The following ELL variants were observed in gnomAD, a reference collection of about 807,000 sequenced individuals.
ELL encodes the protein RNA polymerase II elongation factor ELL.
Under a neutral mutation model 64.0 loss-of-function variants are expected in ELL, and 18 were observed. That is an observed-to-expected ratio of 0.28 (90% confidence interval 0.19 to 0.42). The LOEUF is 0.42. Ranked by LOEUF, ELL falls within the 10% of genes least tolerant of loss-of-function variation. ELL has a pLI of 1.00. For missense variants in ELL, 797 were observed against 870.4 expected (o/e 0.92, Z 1.06); for synonymous variants, 399 against 376.2 (o/e 1.06, Z -0.70).
At chr19:18,514,980 G>A (rs980441814) in intron 1 of ELL, among the ~76,000 whole-genome samples, 3 of 152,184 alleles carry the variant, frequency 2.0e-5, no homozygotes, top group South Asian at 2.1e-4. Flanking sequence ...TCTCCCAGTC[G>A]GGATGTCACA....
At position 18,458,273 on chromosome 19, in the gene ELL, C is replaced by G; in HGVS notation, c.801G>C (p.Lys267Asn). 1 of 1,613,366 alleles carries G rather than the reference C, an allele frequency of 6.2e-7. No individual in the cohort carries two copies. Among genetic ancestry groups the G allele is most frequent in the Non-Finnish European group, 8.5e-7 (1 of 1,180,036 alleles). The change falls in exon 6 of 12, where the codon AAG becomes AAC. Residue 267 changes from lysine to asparagine, a missense_variant. Transcript: ENST00000262809. ...AGCCAGGCCAGTCCTTCTGCACATC[C>G]TTGTACATGCAGTCCTGCAGTGTAC... ...GTCTLQDCMYKDVQKDWPGYS... is the reference protein window; with the variant it reads ...GTCTLQDCMYNDVQKDWPGYS...
chr19:18,520,923 A>AG (rs545883740), intron 1 of ELL, among the ~76,000 whole-genome samples: 9 of 151,320 alleles, frequency 5.9e-5, no homozygotes, highest in East Asian at 1.9e-4. Context: ...AGACGGGGGG[A>AG]GGGGGGGCCA....
At chr19:18,463,425 T>C (rs111682204) in intron 4 of ELL, among the ~76,000 whole-genome samples, 22,116 of 147,416 alleles carry the variant, frequency 0.15, 1,728 homozygotes, top group South Asian at 0.2. Context: ...ACCTCCGCCT[T>C]CCAGGTTCAA....
In ELL at chr19:18,458,218, G is replaced by A. The variant is rs1253596704; in HGVS notation, c.856C>T (p.Arg286Trp). The change falls in exon 6 of 12, where the codon CGG becomes TGG. Residue 286 changes from arginine (R) to tryptophan (W), a missense_variant. Transcript: ENST00000262809. ...YSEGDQQLLK[R>W]VLVRKLCQPQ... ...AGGCGGCATTACCGGACGAGCACCC[G>A]CTTCAGCAGCTGCTGGTCCCCCTCC... is the stretch of plus-strand genomic sequence containing the variant. 3 of 1,610,670 alleles carry A rather than the reference G, an allele frequency of 1.9e-6. No homozygotes were observed. The highest frequency in any genetic ancestry group is 2.5e-6 in the Non-Finnish European group (3 of 1,180,008).
chr19:18,509,593 GCACATACACACACACACA>G (rs1250824570), intron 1 of ELL, among the ~76,000 whole-genome samples: 3,625 of 83,268 alleles, frequency 0.044, 335 homozygotes, highest in African/African-American at 0.098. Flanking sequence ...GCGCGCGCGC[GCACATACACACACACACA>G]CACACACACA....
At position 18,444,712 on chromosome 19, in the gene ELL, TC is replaced by T; in HGVS notation, c.*39del. Reference sequence around the variant, plus strand: ...TAAATCCTCTCTCACCGCCTTTTGCTCCCCCGACCCTCCCAGATCCCCGCCA... The same window carrying T: ...TAAATCCTCTCTCACCGCCTTTTGCTCCCCGACCCTCCCAGATCCCCGCCA... On this transcript the variant is annotated 3_prime_UTR_variant, in exon 12 of 12. Transcript: ENST00000262809. 2.6e-6 allele frequency: 4 copies of T among 1,538,954 alleles called. No homozygotes were observed. The highest frequency in any genetic ancestry group is 2.3e-5 in the East Asian group (1 of 43,564).
rs756420243 is a variant in ELL, at chr19:18,444,774, C to T, written c.1844G>A (p.Arg615Gln). The T allele has an allele frequency of 1.0e-5, 16 of 1,606,678 alleles. No individual in the cohort carries two copies. In the East Asian group the frequency reaches 1.1e-4, roughly 11 times the overall value. ...IKRLIAEYDQ[R>Q]QLQAWP is the part of the protein sequence containing the mutation. ...CGGCTAGGGCCAAGCCTGCAGCTGC[C>T]GCTGGTCGTACTCGGCGATGAGCCT... Residue 615 changes from arginine (R) to glutamine (Q), a missense_variant, in exon 12 of 12, where the codon CGG becomes CAG. Transcript: ENST00000262809.
intron 1 of ELL, among the ~76,000 whole-genome samples, chr19:18,487,049 G>A (rs990776804): frequency 3.3e-5 from 5 of 152,180 alleles, no homozygotes; most frequent in African/African-American, 1.2e-4. Context: ...CCACGCAGTG[G>A]GTAAATCCTA....
intron 1 of ELL, among the ~76,000 whole-genome samples, chr19:18,520,602 C>G (rs1976244186): frequency 6.6e-6 from 1 of 151,784 alleles, no homozygotes; most frequent in Non-Finnish European, 1.5e-5. Flanking sequence ...GTGGTGGAAA[C>G]GAAACAGGGG....
chr19:18,503,293 AG>A (rs1302872477), intron 1 of ELL, among the ~76,000 whole-genome samples: 4 of 152,228 alleles, frequency 2.6e-5, no homozygotes, highest in African/African-American at 9.6e-5. Flanking sequence ...TGGGATGAAA[AG>A]AAGGTGACAG....
rs898873884 is a variant in ELL at position 18,445,259 on chromosome 19, C to T, written c.1714G>A (p.Gly572Arg). 29 of 1,613,964 alleles carry T rather than the reference C, an allele frequency of 1.8e-5. No homozygotes were observed. Among genetic ancestry groups the T allele is most frequent in the Admixed American group, 5.0e-5 (3 of 60,024 alleles). The change falls in exon 11 of 12, where the codon GGG becomes AGG. Residue 572 changes from glycine to arginine, a missense_variant. Transcript: ENST00000262809. The stretch of plus-strand genomic sequence containing the variant: ...TTTCGATATTCCTGCAAAATCTGCC[C>T]TCGAGTAGTCTAGAAGAAAAACAAA... ...QGSEEYETTR[G>R]QILQEYRKIK...
chr19:18,512,007 T>C (rs1003010564), intron 1 of ELL, among the ~76,000 whole-genome samples: 2 of 151,600 alleles, frequency 1.3e-5, no homozygotes, highest in Non-Finnish European at 2.9e-5. Context: ...ATACAAAAAT[T>C]AGCCGGGCAT....
intron 1 of ELL, among the ~76,000 whole-genome samples, chr19:18,513,791 C>T (rs532421156): frequency 2.0e-5 from 3 of 151,746 alleles, no homozygotes; most frequent in South Asian, 2.1e-4. Flanking sequence ...ATTAGCCGGG[C>T]GTGGTGGCGG....
In ELL at chr19:18,508,354, A is replaced by G. The variant is rs80294027; in HGVS notation, c.135+13567T>C. The stretch of plus-strand genomic sequence containing the variant: ...AGAATAAAATAAAATACAATACAAG[A>G]GTCAGCAGCCAGGAGGGTAGCCTGT... On this transcript the variant is annotated intron_variant, in intron 1 of 11. Coordinates refer to ENST00000262809, the MANE Select transcript of ELL (RefSeq NM_006532.4). Among the ~76,000 whole-genome samples, 1,424 of 152,328 alleles carry G rather than the reference A, an allele frequency of 9.3e-3. 25 individuals are homozygous for G. The highest frequency in any genetic ancestry group is 0.033 in the African/African-American group (1,359 of 41,562).
At position 18,443,997 on chromosome 19, in the gene ELL, C is replaced by A. The variant is rs142819823; in HGVS notation, c.*755G>T. 2.3e-3 allele frequency: 528 copies of A among 232,442 alleles called. 3 individuals carry two copies. Among genetic ancestry groups the A allele is most frequent in the African/African-American group, 0.011 (495 of 45,428 alleles). The allele number at this position is 232,442 out of a possible 1,614,324, so 14.4% of individuals were successfully genotyped here. ...AGTCTCAACTTGGAGCACAGAAACA[C>A]AGTGGCCCCCGACAGCTGAGGGCCT... On this transcript the variant is annotated 3_prime_UTR_variant, in exon 12 of 12. Coordinates refer to ENST00000262809, the MANE Select transcript of ELL (RefSeq NM_006532.4).
chr19:18,459,330 G>A (rs1167493899), intron 5 of ELL, among the ~76,000 whole-genome samples: 5 of 152,312 alleles, frequency 3.3e-5, no homozygotes, highest in South Asian at 4.1e-4. Context: ...TCGTCTCCCA[G>A]ACTGCTAACA....
rs748950436 is a variant in ELL, at chr19:18,472,886, TAAAA to T, written c.136-8_136-5del. On this transcript the variant is annotated splice_region_variant and splice_polypyrimidine_tract_variant and intron_variant, in intron 1 of 11. Transcript: ENST00000262809. ...ATGGCCTCAGTGAAACAGAATCCTA[TAAAA>T]AAAAAAAAAAAAAAAAAAAGGTGAG... The T allele has an allele frequency of 6.7e-4, 817 of 1,213,758 alleles. No individual in the cohort carries two copies. The highest frequency in any genetic ancestry group is 1.2e-3 in the Admixed American group (27 of 22,122). 75.2% of individuals were successfully genotyped at this position (1,213,758 alleles called of 1,614,324 possible). A position where few individuals can be genotyped will look rare whatever the true frequency, so the allele number is the denominator to read the frequency against.
intron 11 of ELL, 103 bp from the exon 12 acceptor site, chr19:18,444,971 GC>G: frequency 1.5e-6 from 2 of 1,306,326 alleles, no homozygotes; most frequent in Non-Finnish European, 2.1e-6. Context: ...TGGGCTTGGT[GC>G]CCAGCAAGGA....
intron 1 of ELL, among the ~76,000 whole-genome samples, chr19:18,498,039 A>C (rs969440736): frequency 6.6e-6 from 1 of 151,942 alleles, no homozygotes; most frequent in Non-Finnish European, 1.5e-5. Context: ...GAGGCAGGAG[A>C]ATCACTTGAA....
Sources: allele counts gnomAD v4.1 joint callset (sites outside exome capture counted in the v4.1 genomes callset), GRCh38; gene constraint gnomAD v4.1.1; transcripts MANE v1.5; gene names NCBI Gene and HGNC (gene_info 2026-07-23, HGNC 2026-07-21).